The following MACROD2 variants were observed in gnomAD, a reference collection of about 807,000 sequenced individuals.
MACROD2 encodes the protein ADP-ribose glycohydrolase MACROD2.
MACROD2 carries 36 observed loss-of-function variants against 70.4 expected under a neutral mutation model. The observed-to-expected ratio is 0.51, with a 90% CI of 0.39 to 0.68. The LOEUF is 0.68. Ranked by LOEUF, MACROD2 falls within the 30% of genes least tolerant of loss-of-function variation. The probability of loss-of-function intolerance (pLI) is 0.00; values close to 1 mark genes in which losing one functional copy is unlikely to be tolerated. For synonymous variants in MACROD2, 172 were observed against 178.8 expected (o/e 0.96, Z 0.30); for missense variants, 496 against 538.4 (o/e 0.92, Z 0.78).
chr20:15,365,979 C>T (rs6079789), intron 6 of MACROD2, among the ~76,000 whole-genome samples: 16,626 of 152,106 alleles, frequency 0.11, 1,138 homozygotes, highest in Non-Finnish European at 0.16. Context: ...TTCAAGTGGA[C>T]AAAAACCTTT....
At chr20:14,475,492 A>G (rs2084582435) in intron 3 of MACROD2, among the ~76,000 whole-genome samples, 1 of 152,074 alleles carries the variant, frequency 6.6e-6, no homozygotes, top group Non-Finnish European at 1.5e-5. Context: ...AGTTTCACAC[A>G]GTAGCATCTT....
At chr20:14,430,121 C>T (rs1344231337) in intron 3 of MACROD2, among the ~76,000 whole-genome samples, 4 of 152,142 alleles carry the variant, frequency 2.6e-5, no homozygotes, top group Non-Finnish European at 4.4e-5. Context: ...TTAAGTATAG[C>T]ATCAGTGAGT....
At chr20:15,944,668 T>G (rs202211696) in intron 12 of MACROD2, among the ~76,000 whole-genome samples, 1 of 152,154 alleles carries the variant, frequency 6.6e-6, no homozygotes, top group East Asian at 1.9e-4. Flanking sequence ...GTAAGAAAAT[T>G]CTAGTAAATG....
intron 6 of MACROD2, among the ~76,000 whole-genome samples, chr20:15,397,516 T>A (rs1003041542): frequency 6.6e-6 from 1 of 152,130 alleles, no homozygotes; most frequent in African/African-American, 2.4e-5. Context: ...CTCAGGCTGG[T>A]CTTGATCTCC....
chr20:14,434,620 TCTC>T (rs1411133229), intron 3 of MACROD2, among the ~76,000 whole-genome samples: 3 of 152,122 alleles, frequency 2.0e-5, no homozygotes, highest in Admixed American at 2.0e-4. Flanking sequence ...AGTTCTTCCT[TCTC>T]CTGAATCATA....
At chr20:14,401,029 G>T (rs1239043327) in intron 3 of MACROD2, among the ~76,000 whole-genome samples, 1 of 152,132 alleles carries the variant, frequency 6.6e-6, no homozygotes, top group East Asian at 1.9e-4. Flanking sequence ...AACCGACTTG[G>T]TTGAAGTGGC....
At chr20:15,973,941 T>C (rs2066267851) in intron 13 of MACROD2, among the ~76,000 whole-genome samples, 1 of 152,110 alleles carries the variant, frequency 6.6e-6, no homozygotes, top group South Asian at 2.1e-4. Context: ...ACAATACAAA[T>C]AAAAACCTGT....
chr20:14,304,773 T>C (rs1387704775), intron 3 of MACROD2, among the ~76,000 whole-genome samples: 4 of 18 alleles, frequency 0.22, no homozygotes, highest in African/African-American at 0.4. Flanking sequence ...CTTTTTTATG[T>C]TTTTTTTTTT....
intron 4 of MACROD2, among the ~76,000 whole-genome samples, chr20:14,661,525 T>C (rs1231701036): frequency 6.6e-6 from 1 of 152,208 alleles, no homozygotes; most frequent in Admixed American, 6.5e-5. Context: ...GTTGATAGTT[T>C]CTTTTGCTCT....
At chr20:15,382,205 G>A (rs563865509) in intron 6 of MACROD2, among the ~76,000 whole-genome samples, 7 of 152,158 alleles carry the variant, frequency 4.6e-5, no homozygotes, top group Admixed American at 1.3e-4. Flanking sequence ...AGCACTTCTC[G>A]CCACTCCCTC....
intron 3 of MACROD2, among the ~76,000 whole-genome samples, chr20:14,212,606 G>T (rs2081579619): frequency 6.6e-6 from 1 of 152,052 alleles, no homozygotes; most frequent in African/African-American, 2.4e-5. Context: ...GTGGTGGAAA[G>T]AATGTAGAAT....
intron 8 of MACROD2, among the ~76,000 whole-genome samples, chr20:15,577,276 A>C (rs1012968704): frequency 4.6e-5 from 7 of 152,008 alleles, no homozygotes; most frequent in African/African-American, 1.7e-4. Context: ...ACCTATTGCC[A>C]GCTCCACCAG....
chr20:15,738,881 G>A (rs911021752), intron 8 of MACROD2, among the ~76,000 whole-genome samples: 1 of 152,134 alleles, frequency 6.6e-6, no homozygotes, highest in African/African-American at 2.4e-5. Flanking sequence ...ACATGGGAGA[G>A]ACTTGAGAAG....
chr20:14,059,315 CATT>C (rs1487324739), intron 2 of MACROD2, among the ~76,000 whole-genome samples: 2 of 152,126 alleles, frequency 1.3e-5, no homozygotes, highest in Non-Finnish European at 2.9e-5. Context: ...TATTTACAAT[CATT>C]ATTCACTCAA....
At chr20:14,355,791 A>G (rs2083166455) in intron 3 of MACROD2, among the ~76,000 whole-genome samples, 1 of 152,220 alleles carries the variant, frequency 6.6e-6, no homozygotes, top group African/African-American at 2.4e-5. Flanking sequence ...GTTTTCACTA[A>G]TACAAGTGTT....
Position 14,366,085 on chromosome 20 carries a change from G to A in MACROD2, c.272-127394G>A, listed in dbSNP as rs1022366884. Among the ~76,000 whole-genome samples, 6 of 152,110 alleles carry A rather than the reference G, an allele frequency of 3.9e-5. No individual in the cohort carries two copies. The South Asian group carries it at 6.2e-4, about 16-fold the overall frequency. ...GAATAAGTATTCTGCTGTTGATGGT[G>A]GAGTGTCCTATATGTATCTGTTGGA... On this transcript the variant is annotated intron_variant, in intron 3 of 17. Coordinates refer to ENST00000684519, the MANE Select transcript of MACROD2 (RefSeq NM_001351661.2).
chr20:14,900,479 C>A (rs1385422764), intron 5 of MACROD2, among the ~76,000 whole-genome samples: 1 of 152,080 alleles, frequency 6.6e-6, no homozygotes, highest in Non-Finnish European at 1.5e-5. Context: ...ACAAGTCAAT[C>A]TCTTTGCTTG....
intron 3 of MACROD2, among the ~76,000 whole-genome samples, chr20:14,283,382 T>G (rs989778300): frequency 2.0e-5 from 3 of 152,142 alleles, no homozygotes; most frequent in East Asian, 1.9e-4. Context: ...TTAAGAACAA[T>G]TTTTTTCAAT....
At chr20:14,275,170 C>A (rs1449945435) in intron 3 of MACROD2, among the ~76,000 whole-genome samples, 1 of 152,068 alleles carries the variant, frequency 6.6e-6, no homozygotes, top group Non-Finnish European at 1.5e-5. Flanking sequence ...CCCGCATCGC[C>A]AAGTCAATCC....
Sources: gnomAD v4.1 joint callset for allele counts (sites outside exome capture counted in the v4.1 genomes callset) on GRCh38, gnomAD v4.1.1 for gene constraint, MANE v1.5 for transcripts, NCBI Gene and HGNC (gene_info 2026-07-23, HGNC 2026-07-21) for gene names.